ZZEF1: variants seen among roughly 807,000 people sequenced by gnomAD.
ZZEF1 encodes the protein zinc finger ZZ-type and EF-hand domain-containing protein 1.
ZZEF1 carries 157 observed loss-of-function variants against 342.8 expected under a neutral mutation model. The ratio of observed to expected loss-of-function variants is 0.46; its 90% CI spans 0.40 to 0.52. ZZEF1 has a LOEUF of 0.52. Ranked by LOEUF, ZZEF1 falls within the 20% of genes least tolerant of loss-of-function variation. ZZEF1 has a pLI of 0.00. For missense variants in ZZEF1, 3,480 were observed against 3,725.6 expected (o/e 0.93, Z 1.72); for synonymous variants, 1,505 against 1,429.1 (o/e 1.05, Z -1.20).
intron 1 of ZZEF1, among the ~76,000 whole-genome samples, chr17:4,128,610 C>T (rs1228281293): frequency 2.0e-5 from 3 of 151,390 alleles, no homozygotes; most frequent in African/African-American, 4.9e-5. Flanking sequence ...CAGGCATGCA[C>T]CACCACACCT....
At chr17:4,070,618 A>G in intron 26 of ZZEF1, 66 bp downstream of exon 26, 1 of 1,530,464 alleles carries the variant, frequency 6.5e-7, no homozygotes, top group South Asian at 1.2e-5. Context: ...TGTTCACTTA[A>G]GATAGGCTTT....
chr17:4,045,830 G>GTTTT, intron 37 of ZZEF1, among the ~76,000 whole-genome samples: 1 of 137,272 alleles, frequency 7.3e-6, no homozygotes, highest in Non-Finnish European at 1.6e-5. Flanking sequence ...TTTTGTTCTT[G>GTTTT]TTTTTTTTTT....
Position 4,112,820 on chromosome 17 carries a change from A to T in ZZEF1, c.867-12T>A. On this transcript the variant is annotated splice_polypyrimidine_tract_variant and intron_variant, in intron 4 of 54. Coordinates refer to ENST00000381638, the MANE Select transcript of ZZEF1 (RefSeq NM_015113.4). The stretch of plus-strand genomic sequence containing the variant: ...GCTTCATTTTTAAACTGGAAAACAC[A>T]AAAAGCAGAAATTACAAATGTTTAT... 1 of 1,542,742 alleles carries T rather than the reference A, an allele frequency of 6.5e-7. No homozygotes were observed. The highest frequency in any genetic ancestry group is 8.7e-7 in the Non-Finnish European group (1 of 1,145,092).
intron 26 of ZZEF1, among the ~76,000 whole-genome samples, chr17:4,068,252 C>A (rs2057441004): frequency 6.6e-6 from 1 of 152,138 alleles, no homozygotes; most frequent in South Asian, 2.1e-4. Flanking sequence ...TAGGTTGCTA[C>A]ATAAACAGGT....
chr17:4,137,284 T>C (rs2058763695), intron 1 of ZZEF1, among the ~76,000 whole-genome samples: 1 of 152,110 alleles, frequency 6.6e-6, no homozygotes, highest in Admixed American at 6.5e-5. Context: ...AACTCCCCCA[T>C]AGCAAAACAC....
In ZZEF1 at chr17:4,124,748, G is replaced by A. The variant is rs115967488; in HGVS notation, c.355-697C>T. On this transcript the variant is annotated intron_variant, in intron 1 of 54. Transcript: ENST00000381638. The stretch of plus-strand genomic sequence containing the variant: ...GCTGGGATTACAGGTGTGGGCCACC[G>A]CGTCTGCCTGGGCTTTTTCAACACT... 8.8e-3 allele frequency among the ~76,000 whole-genome samples: 1,335 copies of A among 152,000 alleles called. 17 individuals are homozygous for A. Among genetic ancestry groups the A allele is most frequent in the African/African-American group, 0.03 (1,235 of 41,450 alleles).
At chr17:4,010,552 C>T (rs1344710008) in intron 52 of ZZEF1, among the ~76,000 whole-genome samples, 7 of 151,402 alleles carry the variant, frequency 4.6e-5, no homozygotes, top group African/African-American at 9.7e-5. Context: ...AGTGAAACCC[C>T]GTCTCTACTA....
At position 4,085,772 on chromosome 17, in the gene ZZEF1, G is replaced by A; in HGVS notation, c.2544C>T (p.Pro848=). Residue 848 remains proline (P), a synonymous_variant, in exon 16 of 55, where the codon CCC becomes CCT. Transcript: ENST00000381638. ...VVDKVDGDSV[P]MEILKQEVRN... Reference sequence around the variant, plus strand: ...TGACTTCTTGTTTTAGTATCTCCATGGGCACAGAGTCTCCATCCACCTTGT... The same window carrying A: ...TGACTTCTTGTTTTAGTATCTCCATAGGCACAGAGTCTCCATCCACCTTGT... 2 of 1,614,064 alleles carry A rather than the reference G, an allele frequency of 1.2e-6. No homozygotes were observed. The highest frequency in any genetic ancestry group is 1.7e-6 in the Non-Finnish European group (2 of 1,179,994).
intron 2 of ZZEF1, among the ~76,000 whole-genome samples, chr17:4,119,243 A>G (rs1211137315): frequency 6.6e-6 from 1 of 152,216 alleles, no homozygotes; most frequent in Non-Finnish European, 1.5e-5. Context: ...TAATCCACTG[A>G]CATCCTCCAA....
chr17:4,096,786 T>C (rs1309104448), intron 9 of ZZEF1, 86 bp from the exon 10 acceptor site: 1 of 1,086,206 alleles, frequency 9.2e-7, no homozygotes, highest in Non-Finnish European at 1.4e-6. Context: ...ACCATATCCT[T>C]TGAGTCATGG....
rs1232851205 is a variant in ZZEF1, at chr17:4,081,409, G to T, written c.2796C>A (p.Val932=). The T allele has an allele frequency of 1.2e-6, 2 of 1,613,696 alleles. No homozygotes were observed. Among genetic ancestry groups the T allele is most frequent in the Non-Finnish European group, 1.7e-6 (2 of 1,180,024 alleles). Residue 932 remains valine (V), a synonymous_variant, in exon 18 of 55, where the codon GTC becomes GTA. Transcript: ENST00000381638. The stretch of plus-strand genomic sequence containing the variant: ...CAGCAACAGAGACGAGAGTGTCCAT[G>T]ACCGCCAGGACTTCACTGATGTTCA... ...AKMNISEVLA[V]MDTLVSVAAR...
At chr17:4,111,625 C>T (rs920371925) in intron 5 of ZZEF1, among the ~76,000 whole-genome samples, 2 of 144,010 alleles carry the variant, frequency 1.4e-5, no homozygotes, top group Non-Finnish European at 3.0e-5. Context: ...CACCACTGCA[C>T]TCCAGCCCAG....
chr17:4,071,284 T>A (rs1315823743), intron 25 of ZZEF1: 1 of 198,770 alleles, frequency 5.0e-6, no homozygotes, highest in African/African-American at 2.4e-5. Flanking sequence ...TTGGCAGATT[T>A]GGCTCTGAGG....
intron 54 of ZZEF1, 125 bp from the exon 55 acceptor site, chr17:4,007,095 C>G: frequency 1.2e-6 from 1 of 806,800 alleles, no homozygotes; most frequent in Non-Finnish European, 1.9e-6. Context: ...ATGTGTTCCC[C>G]TCCCCCACAG....
intron 6 of ZZEF1, among the ~76,000 whole-genome samples, chr17:4,106,627 T>A (rs1302055516): frequency 6.6e-6 from 1 of 152,188 alleles, no homozygotes; most frequent in Non-Finnish European, 1.5e-5. Context: ...TCCACCTTAA[T>A]GTCTGTTTTA....
Position 4,112,641 on chromosome 17 carries a change from G to C in ZZEF1, c.1034C>G (p.Thr345Arg). ...HIPSNVTGYV[T>R]LLENANVSQL... ...ACTGACGTTGGCATTTTCCAGCAGC[G>C]TCACATAGCCAGTGACATTGCTGGG... The change falls in exon 5 of 55, where the codon ACG becomes AGG. Residue 345 changes from threonine to arginine, a missense_variant. By Grantham distance (71) the Thr-to-Arg change is moderately conservative. Transcript: ENST00000381638. The C allele has an allele frequency of 6.2e-7, 1 of 1,614,134 alleles. No individual in the cohort carries two copies. The highest frequency in any genetic ancestry group is 1.3e-5 in the African/African-American group (1 of 75,016).
intron 37 of ZZEF1, 100 bp downstream of exon 37, chr17:4,049,608 A>G (rs2057001097): frequency 1.4e-6 from 2 of 1,412,432 alleles, no homozygotes; most frequent in African/African-American, 1.4e-5. Context: ...AGTCTGGGTT[A>G]GGAGTCTGTG....
chr17:4,078,228 C>T (rs547051450), intron 18 of ZZEF1, among the ~76,000 whole-genome samples, 186 bp from the exon 19 acceptor site: 1 of 152,330 alleles, frequency 6.6e-6, no homozygotes, highest in African/African-American at 2.4e-5. Flanking sequence ...CCCTTTCCCT[C>T]CAGCTTTTTG....
chr17:4,054,394 T>G (rs1165466531), intron 33 of ZZEF1, among the ~76,000 whole-genome samples, 199 bp from the exon 34 acceptor site: 1 of 152,196 alleles, frequency 6.6e-6, no homozygotes, highest in African/African-American at 2.4e-5. Flanking sequence ...TGACCAGTGC[T>G]TTCACAGGAA....
Sources: gnomAD v4.1 joint callset for allele counts (sites outside exome capture counted in the v4.1 genomes callset) on GRCh38, gnomAD v4.1.1 for gene constraint, MANE v1.5 for transcripts, NCBI Gene and HGNC (gene_info 2026-07-23, HGNC 2026-07-21) for gene names.